The following PTPRN2 variants were observed in gnomAD, a reference collection of about 807,000 sequenced individuals.
The protein encoded by PTPRN2 is receptor-type tyrosine-protein phosphatase N2.
Under a neutral mutation model 118.8 loss-of-function variants are expected in PTPRN2, and 74 were observed. That is an observed-to-expected ratio of 0.62 (90% CI 0.52 to 0.76). The LOEUF is 0.76. PTPRN2 is among the 30% of genes least tolerant of loss of function. PTPRN2 has a pLI of 0.00. For synonymous variants in PTPRN2, 641 were observed against 608.0 expected (o/e 1.05, Z -0.80); for missense variants, 1,481 against 1,394.4 (o/e 1.06, Z -0.99).
At chr7:157,628,566 TG>T (rs1311838735) in intron 14 of PTPRN2, among the ~76,000 whole-genome samples, 1 of 152,254 alleles carries the variant, frequency 6.6e-6, no homozygotes, top group Non-Finnish European at 1.5e-5. Flanking sequence ...CTTTTTGGCG[TG>T]GAGCCTTCCG....
intron 1 of PTPRN2, among the ~76,000 whole-genome samples, chr7:158,550,644 A>C (rs1303561977): frequency 6.6e-6 from 1 of 152,166 alleles, no homozygotes; most frequent in Non-Finnish European, 1.5e-5. Flanking sequence ...CATCTCTGGG[A>C]ATTCTTTCAG....
chr7:157,637,404 C>T (rs1182878335), intron 14 of PTPRN2, among the ~76,000 whole-genome samples: 1 of 152,228 alleles, frequency 6.6e-6, no homozygotes, highest in African/African-American at 2.4e-5. Flanking sequence ...CTGTGACAAG[C>T]AGCCCTGGGT....
intron 3 of PTPRN2, among the ~76,000 whole-genome samples, chr7:158,257,125 G>C (rs907731843): frequency 2.0e-5 from 3 of 152,166 alleles, no homozygotes; most frequent in African/African-American, 7.2e-5. Flanking sequence ...CGGACAACCA[G>C]AATCATGCTC....
intron 2 of PTPRN2, among the ~76,000 whole-genome samples, chr7:158,394,932 GC>G (rs1418702439): frequency 6.6e-6 from 1 of 152,200 alleles, no homozygotes; most frequent in East Asian, 1.9e-4. Flanking sequence ...TCTCTGCAAC[GC>G]GTCAGCCAGA....
At chr7:158,123,020 G>C (rs796864625) in intron 9 of PTPRN2, among the ~76,000 whole-genome samples, 21 of 152,260 alleles carry the variant, frequency 1.4e-4, no homozygotes, top group African/African-American at 4.8e-4. Context: ...TCACCAGCCC[G>C]ATCTGGGACA....
intron 1 of PTPRN2, among the ~76,000 whole-genome samples, chr7:158,556,217 A>G (rs1826978466): frequency 6.6e-6 from 1 of 152,102 alleles, no homozygotes; most frequent in Non-Finnish European, 1.5e-5. Flanking sequence ...TTGACAGGTA[A>G]AGATAGATTA....
At chr7:158,458,026 GA>G (rs1195450554) in intron 2 of PTPRN2, among the ~76,000 whole-genome samples, 2 of 152,210 alleles carry the variant, frequency 1.3e-5, no homozygotes, top group Non-Finnish European at 2.9e-5. Flanking sequence ...AAACTGAGGT[GA>G]AAGCTCTAAG....
chr7:158,171,268 C>T (rs71544553), intron 5 of PTPRN2, among the ~76,000 whole-genome samples: 60,497 of 96,424 alleles, frequency 0.63, 19,640 homozygotes, highest in East Asian at 0.8. Context: ...TATATACACA[C>T]ATATATACAC....
rs1042244655 is a variant in PTPRN2, at chr7:158,200,030, C to T, written c.380+5141G>A. On this transcript the variant is annotated intron_variant, in intron 4 of 22. Transcript: ENST00000389418. Reference sequence around the variant, plus strand: ...TTACGAATACTAAAGAAGAGGCAAACGAGCCACAATCCACGTATGAGAAGG... The same window carrying T: ...TTACGAATACTAAAGAAGAGGCAAATGAGCCACAATCCACGTATGAGAAGG... 7.4e-4 allele frequency among the ~76,000 whole-genome samples: 113 copies of T among 152,036 alleles called. 1 individual carries two copies. Among genetic ancestry groups the T allele is most frequent in the African/African-American group, 2.0e-3 (82 of 41,518 alleles).
intron 12 of PTPRN2, among the ~76,000 whole-genome samples, chr7:157,822,482 G>A (rs1424724134): frequency 6.7e-6 from 1 of 150,234 alleles, no homozygotes; most frequent in African/African-American, 2.5e-5. Flanking sequence ...CCATCTATAT[G>A]CTATCCATCA....
At position 157,610,593 on chromosome 7, in the gene PTPRN2, C is replaced by G. The variant is rs1585104440; in HGVS notation, c.2345-6518G>C. On this transcript the variant is annotated intron_variant, in intron 15 of 22. Coordinates refer to ENST00000389418, the MANE Select transcript of PTPRN2 (RefSeq NM_002847.5). The surrounding 1 kb of genome is among the most constrained non-coding windows in gnomAD (Gnocchi z 5.1). ...GCTGCTGGCCGTCAGCAAGGGCCGTCAGTGCTGCTTAGGGATCCCAGCGGC... is the reference window on the plus strand; with the variant it reads ...GCTGCTGGCCGTCAGCAAGGGCCGTGAGTGCTGCTTAGGGATCCCAGCGGC... Among the ~76,000 whole-genome samples, 1 of 152,212 alleles carries G rather than the reference C, an allele frequency of 6.6e-6. No homozygotes were observed. The highest frequency in any genetic ancestry group is 2.1e-4 in the South Asian group (1 of 4,832).
chr7:158,212,952 T>C (rs1827708260), intron 3 of PTPRN2, among the ~76,000 whole-genome samples: 2 of 152,166 alleles, frequency 1.3e-5, no homozygotes, highest in African/African-American at 4.8e-5. Context: ...GCAAAATCCA[T>C]GTGATTATGC....
chr7:158,365,186 A>G (rs1586470407), intron 2 of PTPRN2, among the ~76,000 whole-genome samples: 1 of 152,178 alleles, frequency 6.6e-6, no homozygotes, highest in Admixed American at 6.5e-5. Flanking sequence ...GCAAGTGGGA[A>G]ACCGTCCTTG....
chr7:157,995,547 T>G (rs1804662373), intron 11 of PTPRN2, among the ~76,000 whole-genome samples: 1 of 152,280 alleles, frequency 6.6e-6, no homozygotes, highest in Non-Finnish European at 1.5e-5. Context: ...CAAGGTTTGT[T>G]GCCATGAATT....
intron 12 of PTPRN2, among the ~76,000 whole-genome samples, chr7:157,699,224 T>C (rs1485950421): frequency 6.6e-6 from 1 of 152,246 alleles, no homozygotes; most frequent in African/African-American, 2.4e-5. Context: ...AGTGCCTATG[T>C]ATATTTTAAT....
At chr7:158,324,032 A>C (rs954710102) in intron 2 of PTPRN2, among the ~76,000 whole-genome samples, 1 of 22,040 alleles carries the variant, frequency 4.5e-5, no homozygotes, top group African/African-American at 1.1e-4. Context: ...CACACACAGG[A>C]GCACGTACAC....
chr7:158,192,963 G>A (rs1825898886), intron 4 of PTPRN2, among the ~76,000 whole-genome samples: 1 of 152,208 alleles, frequency 6.6e-6, no homozygotes, highest in Non-Finnish European at 1.5e-5. Context: ...GCAGGAACCA[G>A]GTTCTCGCCT....
intron 11 of PTPRN2, among the ~76,000 whole-genome samples, chr7:158,060,617 C>T (rs1054520179): frequency 3.3e-5 from 5 of 152,210 alleles, no homozygotes; most frequent in Non-Finnish European, 7.3e-5. Context: ...AGGCCAAATC[C>T]ACAGGTAGCA....
intron 12 of PTPRN2, among the ~76,000 whole-genome samples, chr7:157,706,239 G>A (rs542890425): frequency 4.6e-5 from 7 of 152,158 alleles, no homozygotes; most frequent in Admixed American, 2.6e-4. Context: ...CTGGATTAGC[G>A]GGAACCCCAT....
Sources: allele counts gnomAD v4.1 joint callset (sites outside exome capture counted in the v4.1 genomes callset), GRCh38; gene constraint gnomAD v4.1.1; non-coding constraint Gnocchi (gnomAD v3.1); transcripts MANE v1.5; gene names NCBI Gene and HGNC (gene_info 2026-07-23, HGNC 2026-07-21).